The following KAZN variants were observed in gnomAD, a reference collection of about 807,000 sequenced individuals.
The protein encoded by KAZN is kazrin.
Under a neutral mutation model 87.4 loss-of-function variants are expected in KAZN, and 40 were observed. The ratio of observed to expected loss-of-function variants is 0.46; its 90% CI spans 0.36 to 0.60. KAZN has a LOEUF of 0.60. Among genes scored for constraint, KAZN ranks in the 20% least tolerant of loss-of-function variants. KAZN has a pLI of 0.00. For synonymous variants in KAZN, 466 were observed against 458.3 expected (o/e 1.02, Z -0.22); for missense variants, 898 against 1,073.9 (o/e 0.84, Z 2.29).
chr1:14,120,864 G>A (rs959429384), intron 1 of KAZN, among the ~76,000 whole-genome samples: 4 of 152,296 alleles, frequency 2.6e-5, no homozygotes, highest in East Asian at 3.9e-4. Context: ...GCTAATCAGA[G>A]CATCATATTT....
At chr1:14,075,182 A>G (rs1643404568) in intron 1 of KAZN, among the ~76,000 whole-genome samples, 1 of 152,234 alleles carries the variant, frequency 6.6e-6, no homozygotes, top group Non-Finnish European at 1.5e-5. Flanking sequence ...TTTTTAGTGT[A>G]ACATTTACCC....
At chr1:14,044,978 A>G (rs1161206274) in intron 1 of KAZN, among the ~76,000 whole-genome samples, 1 of 152,202 alleles carries the variant, frequency 6.6e-6, no homozygotes, top group Non-Finnish European at 1.5e-5. Context: ...CTACCCCAAG[A>G]CCACTATGCT....
intron 2 of KAZN, among the ~76,000 whole-genome samples, chr1:14,973,260 C>T (rs1432258439): frequency 6.6e-6 from 1 of 152,198 alleles, no homozygotes; most frequent in Non-Finnish European, 1.5e-5. Context: ...CTACTGTTTG[C>T]CAGACATTAT....
At chr1:14,159,024 C>T (rs925973376) in intron 1 of KAZN, among the ~76,000 whole-genome samples, 4 of 152,042 alleles carry the variant, frequency 2.6e-5, no homozygotes, top group Admixed American at 6.5e-5. Context: ...CTCCTGTGGC[C>T]ACCACCACTA....
chr1:14,178,442 T>A (rs1646130615), intron 1 of KAZN, among the ~76,000 whole-genome samples: 1 of 152,234 alleles, frequency 6.6e-6, no homozygotes, highest in Non-Finnish European at 1.5e-5. Flanking sequence ...ACCAATCTTT[T>A]CTTCTCCATT....
At chr1:14,589,851 G>A (rs190830452) in intron 2 of KAZN, among the ~76,000 whole-genome samples, 39 of 152,198 alleles carry the variant, frequency 2.6e-4, no homozygotes, top group African/African-American at 8.9e-4. Context: ...GGACTTATTC[G>A]GTGAGTAAAG....
intron 8 of KAZN, among the ~76,000 whole-genome samples, chr1:15,078,840 G>T (rs1639873206): frequency 1.3e-5 from 2 of 152,158 alleles, no homozygotes; most frequent in Admixed American, 1.3e-4. Flanking sequence ...TCTCCTATAG[G>T]TGTCTAAGTT....
chr1:13,934,475 A>G (rs1369047345), intron 1 of KAZN, among the ~76,000 whole-genome samples: 1 of 152,224 alleles, frequency 6.6e-6, no homozygotes, highest in Non-Finnish European at 1.5e-5. Context: ...TAAGCAGAAC[A>G]AATGAACACG....
chr1:14,889,901 A>G lies in KAZN; in HGVS notation c.227-70783A>G, dbSNP rs530135924. Among the ~76,000 whole-genome samples the G allele has an allele frequency of 1.8e-4, 27 of 152,372 alleles. No homozygotes were observed. The South Asian group carries it at 4.1e-3, about 23-fold the overall frequency. The stretch of plus-strand genomic sequence containing the variant: ...CCTTTGCAGAAAAAGCCTGTCTTAC[A>G]TGACAAAATATGGCAACTAGCAGAC... On this transcript the variant is annotated intron_variant, in intron 1 of 14. Transcript: ENST00000376030.
intron 2 of KAZN, among the ~76,000 whole-genome samples, chr1:14,345,001 C>G (rs1658009447): frequency 6.6e-6 from 1 of 151,754 alleles, no homozygotes; most frequent in Admixed American, 6.5e-5. Context: ...TCACTGCAAC[C>G]TCCGCCTCCA....
chr1:14,912,021 G>A (rs1000500367), intron 1 of KAZN, among the ~76,000 whole-genome samples: 2 of 151,704 alleles, frequency 1.3e-5, no homozygotes, highest in East Asian at 1.9e-4. Flanking sequence ...GTGTGGTGAC[G>A]GGCACCTGTA....
In KAZN at chr1:15,056,498, C is replaced by A. The variant is rs1638291954; in HGVS notation, c.916+218C>A. Among the ~76,000 whole-genome samples, 1 of 152,196 alleles carries A rather than the reference C, an allele frequency of 6.6e-6. No homozygotes were observed. The highest frequency in any genetic ancestry group is 2.1e-4 in the South Asian group (1 of 4,832). ...ACTATCTGGGTCCCTCTGACCGTCT[C>A]TCCATCTCTTAGCTCTGCCCACCTC... On this transcript the variant is annotated intron_variant, in intron 5 of 14. Coordinates refer to ENST00000376030, the MANE Select transcript of KAZN (RefSeq NM_201628.3). This position sits in a 1 kb window ranked among gnomAD's most constrained non-coding sequence, Gnocchi z 5.4.
At chr1:13,938,558 A>C (rs573514674) in intron 1 of KAZN, among the ~76,000 whole-genome samples, 2 of 152,258 alleles carry the variant, frequency 1.3e-5, no homozygotes, top group African/African-American at 4.8e-5. Flanking sequence ...TAGGGCTTCC[A>C]GTTCAAATCC....
intron 1 of KAZN, among the ~76,000 whole-genome samples, chr1:14,106,933 C>T (rs1644386284): frequency 2.1e-5 from 3 of 144,236 alleles, no homozygotes; most frequent in Non-Finnish European, 3.0e-5. Context: ...CCACCCTTTC[C>T]CTCCCTCCCT....
chr1:14,073,114 G>C (rs1281036747), intron 1 of KAZN, among the ~76,000 whole-genome samples: 2 of 152,212 alleles, frequency 1.3e-5, no homozygotes, highest in African/African-American at 4.8e-5. Context: ...CCTGTGATCA[G>C]CTTTGCAACT....
At chr1:14,169,907 G>C (rs1298373657) in intron 1 of KAZN, among the ~76,000 whole-genome samples, 1 of 152,164 alleles carries the variant, frequency 6.6e-6, no homozygotes, top group African/African-American at 2.4e-5. Context: ...GCAGATGGAG[G>C]CAGGGTTCAA....
At chr1:14,307,066 C>T (rs150065100) in intron 2 of KAZN, among the ~76,000 whole-genome samples, 637 of 152,276 alleles carry the variant, frequency 4.2e-3, no homozygotes, top group Non-Finnish European at 7.2e-3. Flanking sequence ...CTAAAGCACC[C>T]AGCAGAAAGC....
At chr1:14,366,283 A>T (rs1225379222) in intron 2 of KAZN, among the ~76,000 whole-genome samples, 1 of 152,230 alleles carries the variant, frequency 6.6e-6, no homozygotes, top group Non-Finnish European at 1.5e-5. Context: ...ATGAAAACTG[A>T]AATGTCGTAG....
chr1:15,108,746 C>T (rs889144938), intron 13 of KAZN, among the ~76,000 whole-genome samples: 2 of 152,168 alleles, frequency 1.3e-5, no homozygotes, highest in Admixed American at 1.3e-4. Flanking sequence ...CTATTTAGTG[C>T]CCAGGGTTCT....
Sources: allele counts gnomAD v4.1 joint callset (sites outside exome capture counted in the v4.1 genomes callset), GRCh38; gene constraint gnomAD v4.1.1; non-coding constraint Gnocchi (gnomAD v3.1); transcripts MANE v1.5; gene names NCBI Gene and HGNC (gene_info 2026-07-23, HGNC 2026-07-21).